Variants in DGKA observed in about 807,000 individuals in gnomAD.
DGKA encodes the protein 80 kDa diacylglycerol kinase.
DGKA carries 35 observed loss-of-function variants against 105.0 expected under a neutral mutation model. The observed-to-expected ratio is 0.33, with a 90% CI of 0.25 to 0.44. The LOEUF (loss-of-function observed/expected upper bound fraction) is 0.44, where lower values mean the gene tolerates loss of function less well. Ranked by LOEUF, DGKA falls within the 20% of genes least tolerant of loss-of-function variation. The pLI, the probability that DGKA is intolerant of heterozygous loss-of-function variation, is 1.00. For synonymous variants in DGKA, 296 were observed against 332.0 expected, an observed-to-expected ratio of 0.89 and a Z score of 1.18; for missense variants, 665 against 915.0, an observed-to-expected ratio of 0.73 and a Z score of 3.53.
In DGKA at chr12:55,952,915, T is replaced by C. The variant is rs1888440041; in HGVS notation, c.1925T>C (p.Leu642Pro). ...AAAGTCATCACCGACCCTGATATCC[T>C]GAAAACCTGTGTACCAGGTGAGAGG... ...TAKVITDPDI[L>P]KTCVPDLSDK... Residue 642 changes from leucine to proline, a missense_variant, in exon 21 of 24, where the codon CTG becomes CCG. Physicochemically the swap from Leu to Pro is moderately conservative, Grantham distance 98 (BLOSUM62 -3). Coordinates refer to ENST00000331886, the MANE Select transcript of DGKA (RefSeq NM_001345.5). The surrounding 1 kb of genome is among the most constrained non-coding windows in gnomAD (Gnocchi z 5.1). 1 of 1,614,148 alleles carries C rather than the reference T, an allele frequency of 6.2e-7. No individual in the cohort carries two copies. Among genetic ancestry groups the C allele is most frequent in the African/African-American group, 1.3e-5 (1 of 75,028 alleles).
At position 55,932,848 on chromosome 12, in the gene DGKA, C is replaced by CA. The variant is rs1329157658; in HGVS notation, c.-82+1506dup. On this transcript the variant is annotated intron_variant, in intron 1 of 23. Coordinates refer to ENST00000331886, the MANE Select transcript of DGKA (RefSeq NM_001345.5). This position sits in a 1 kb window ranked among gnomAD's most constrained non-coding sequence, Gnocchi z 4.3. ...CCTCTTGAGGGCTACCTACTAGCAG[C>CA]AACGGTCAGGGAGAGGAGGAGGATA... 3 of 490,508 alleles carry CA rather than the reference C, an allele frequency of 6.1e-6. No individual in the cohort carries two copies. Among genetic ancestry groups the CA allele is most frequent in the Admixed American group, 6.9e-5 (2 of 29,154 alleles). 30.4% of individuals were successfully genotyped at this position (490,508 alleles called of 1,614,324 possible).
chr12:55,935,570 G>C (rs563533699), intron 1 of DGKA: 15 of 152,346 alleles, frequency 9.8e-5, no homozygotes, highest in African/African-American at 3.4e-4. Context: ...ATCGTCCCAG[G>C]ACTGGGAAAC....
At chr12:55,939,847 C>G in intron 9 of DGKA, 1 of 593,188 alleles carries the variant, frequency 1.7e-6, no homozygotes, top group Non-Finnish European at 3.0e-6. Flanking sequence ...TTATCCAGCT[C>G]AGTTCCTGCC....
chr12:55,941,908 A>C, intron 15 of DGKA, 90 bp from the exon 16 acceptor site: 2 of 1,332,268 alleles, frequency 1.5e-6, no homozygotes, highest in Non-Finnish European at 1.1e-6. Context: ...GTCCTACGGA[A>C]TGAGAGACAA....
chr12:55,936,848 T>C (rs1470914381), intron 2 of DGKA, 169 bp from the exon 3 acceptor site: 3 of 814,368 alleles, frequency 3.7e-6, no homozygotes, highest in Non-Finnish European at 6.4e-6. Flanking sequence ...AGAAGAGGAG[T>C]AAAGAGTGGT....
Position 55,952,261 on chromosome 12 carries a change from C to T in DGKA, c.1653-80C>T. ...GGGACTAAAGTTAGGAGGTTGATGC[C>T]CTTCCCTGTCACGTACCACCCCTGC... On this transcript the variant is annotated intron_variant, in intron 19 of 23. Coordinates refer to ENST00000331886, the MANE Select transcript of DGKA (RefSeq NM_001345.5). The surrounding 1 kb of genome is among the most constrained non-coding windows in gnomAD (Gnocchi z 5.1). 1.3e-6 allele frequency: 2 copies of T among 1,525,510 alleles called. No homozygotes were observed. Among genetic ancestry groups the T allele is most frequent in the Non-Finnish European group, 1.8e-6 (2 of 1,099,864 alleles). The allele number at this position is 1,525,510 out of a possible 1,614,324, so 94.5% of individuals were successfully genotyped here. A position where few individuals can be genotyped will look rare whatever the true frequency, so the allele number is the denominator to read the frequency against.
At chr12:55,947,374 T>C (rs1887257835) in intron 17 of DGKA, among the ~76,000 whole-genome samples, 1 of 152,216 alleles carries the variant, frequency 6.6e-6, no homozygotes, top group South Asian at 2.1e-4. Context: ...TTCATATACA[T>C]GTGCCAAGAA....
intron 4 of DGKA, 110 bp from the exon 5 acceptor site, chr12:55,937,868 A>G: frequency 2.9e-6 from 3 of 1,031,550 alleles, no homozygotes; most frequent in Non-Finnish European, 4.4e-6. Context: ...TCTCTCAAAA[A>G]AATCAGTAAA....
At chr12:55,927,916 G>A (rs1396360776), upstream of DGKA, 1 of 920,532 alleles carries the variant, frequency 1.1e-6, no homozygotes, top group African/African-American at 1.7e-5. Flanking sequence ...CTGGGCCCTA[G>A]GGTCAGAGGG....
intron 8 of DGKA, 22 bp from the exon 9 acceptor site, chr12:55,939,393 A>G (rs2136321387): frequency 6.2e-7 from 1 of 1,613,986 alleles, no homozygotes; most frequent in South Asian, 1.1e-5. Flanking sequence ...GACACTCCCT[A>G]GCATCTACTG....
intron 17 of DGKA, among the ~76,000 whole-genome samples, chr12:55,944,169 A>C (rs1266958470): frequency 6.6e-6 from 1 of 152,176 alleles, no homozygotes; most frequent in Non-Finnish European, 1.5e-5. Flanking sequence ...GCATGGTGGC[A>C]CGCACCTGTA....
Position 55,940,451 on chromosome 12 carries a change from C to A in DGKA, c.918+18C>A. The A allele has an allele frequency of 6.2e-7, 1 of 1,613,392 alleles. No homozygotes were observed. Among genetic ancestry groups the A allele is most frequent in the Non-Finnish European group, 8.5e-7 (1 of 1,179,700 alleles). ...ACCTAGAGGTCAGTTTGGGAGCCATCCCTTCTGGGTGCGTCTTACCCCGCA... is the reference window on the plus strand; with the variant it reads ...ACCTAGAGGTCAGTTTGGGAGCCATACCTTCTGGGTGCGTCTTACCCCGCA... On this transcript the variant is annotated intron_variant, in intron 11 of 23. Coordinates refer to ENST00000331886, the MANE Select transcript of DGKA (RefSeq NM_001345.5). This position sits in a 1 kb window ranked among gnomAD's most constrained non-coding sequence, Gnocchi z 4.3.
rs752816782 is a variant in DGKA at position 55,952,274 on chromosome 12, G to A, written c.1653-67G>A. On this transcript the variant is annotated intron_variant, in intron 19 of 23. Transcript: ENST00000331886. The surrounding 1 kb of genome is among the most constrained non-coding windows in gnomAD (Gnocchi z 5.1). ...GGAGGTTGATGCCCTTCCCTGTCAC[G>A]TACCACCCCTGCCAGCACTGTGTAA... The A allele has an allele frequency of 8.0e-5, 124 of 1,554,624 alleles. No homozygotes were observed. Among genetic ancestry groups the A allele is most frequent in the Non-Finnish European group, 1.0e-4 (114 of 1,126,172 alleles).
chr12:55,939,847 C>T (rs762330383), intron 9 of DGKA: 234 of 593,070 alleles, frequency 3.9e-4, no homozygotes, highest in Non-Finnish European at 6.6e-4. Flanking sequence ...TTATCCAGCT[C>T]AGTTCCTGCC....
In DGKA at chr12:55,940,664, A is replaced by ACTGTGGGCTGCTCCGGGATCACATC; in HGVS notation, c.963_987dup (p.Pro330TrpfsTer25). ...CTGCAAGCGGTGGGCCATGAGTGTGACTGTGGGCTGCTCCGGGATCACATC... is the reference window on the plus strand; with the variant it reads ...CTGCAAGCGGTGGGCCATGAGTGTGACTGTGGGCTGCTCCGGGATCACATCCTGTGGGCTGCTCCGGGATCACATC... On this transcript the variant is annotated frameshift_variant, in exon 12 of 24. Coordinates refer to ENST00000331886, the MANE Select transcript of DGKA (RefSeq NM_001345.5). LOFTEE classifies it high-confidence loss of function. This position sits in a 1 kb window ranked among gnomAD's most constrained non-coding sequence, Gnocchi z 4.3. 6.2e-7 allele frequency: 1 copy of ACTGTGGGCTGCTCCGGGATCACATC among 1,603,572 alleles called. No homozygotes were observed. Among genetic ancestry groups the ACTGTGGGCTGCTCCGGGATCACATC allele is most frequent in the Non-Finnish European group, 8.5e-7 (1 of 1,176,518 alleles).
upstream of DGKA, among the ~76,000 whole-genome samples, chr12:55,928,094 T>C (rs760106285): frequency 3.3e-5 from 5 of 152,052 alleles, no homozygotes; most frequent in African/African-American, 4.8e-5. Context: ...ACCCATATGG[T>C]CTCCCTCCGC....
chr12:55,952,701 C>T lies in DGKA; in HGVS notation c.1744-33C>T. The T allele has an allele frequency of 1.9e-6, 3 of 1,611,812 alleles. No homozygotes were observed. The highest frequency in any genetic ancestry group is 2.5e-6 in the Non-Finnish European group (3 of 1,178,328). On this transcript the variant is annotated intron_variant, in intron 20 of 23. Transcript: ENST00000331886. The surrounding 1 kb of genome is among the most constrained non-coding windows in gnomAD (Gnocchi z 5.1). ...ATGCCATGAGGTGAGGATCTGTACC[C>T]TCCCTAACTGGGACTGTGCCCCCTC... is the stretch of plus-strand genomic sequence containing the variant.
intron 9 of DGKA, chr12:55,939,784 TA>T: frequency 1.7e-6 from 1 of 587,242 alleles, no homozygotes; most frequent in African/African-American, 1.9e-5. Context: ...TAAAATGCAA[TA>T]AAAAATATCT....
At chr12:55,947,025 G>A (rs1186051099) in intron 17 of DGKA, among the ~76,000 whole-genome samples, 1 of 112,722 alleles carries the variant, frequency 8.9e-6, no homozygotes, top group Non-Finnish European at 1.7e-5. Flanking sequence ...TGCTCTTGTT[G>A]CCCAGGCTGG....
Sources: allele counts gnomAD v4.1 joint callset (sites outside exome capture counted in the v4.1 genomes callset), GRCh38; gene constraint gnomAD v4.1.1; non-coding constraint Gnocchi (gnomAD v3.1); transcripts MANE v1.5; gene names NCBI Gene and HGNC (gene_info 2026-07-23, HGNC 2026-07-21).